Variants in ABHD2 observed in about 807,000 individuals in gnomAD.
The protein encoded by ABHD2 is monoacylglycerol lipase ABHD2.
ABHD2 carries 20 observed loss-of-function variants against 48.1 expected under a neutral mutation model. That is an observed-to-expected ratio of 0.42 (90% CI 0.29 to 0.60). The LOEUF is 0.60. Ranked by LOEUF, ABHD2 falls within the 20% of genes least tolerant of loss-of-function variation. ABHD2 has a pLI of 0.24. For synonymous variants in ABHD2, 209 were observed against 214.2 expected (o/e 0.98, Z 0.21); for missense variants, 405 against 550.9 (o/e 0.74, Z 2.65).
At position 89,185,841 on chromosome 15, in the gene ABHD2, G is replaced by A. The variant is rs957713981; in HGVS notation, c.815+325G>A. ...AAAATTAGCTGGGCATGATGGTGCC[G>A]CTGTAATCCCAGCTACTTGGGAGGC... On this transcript the variant is annotated intron_variant, in intron 7 of 10. Coordinates refer to ENST00000352732, the MANE Select transcript of ABHD2 (RefSeq NM_152924.5). This position sits in a 1 kb window ranked among gnomAD's most constrained non-coding sequence, Gnocchi z 5.9. Among the ~76,000 whole-genome samples the A allele has an allele frequency of 5.9e-5, 9 of 152,176 alleles. No homozygotes were observed. In the East Asian group the frequency reaches 1.2e-3, roughly 20 times the overall value.
At chr15:89,152,077 G>GTTT (rs34458230) in intron 4 of ABHD2, among the ~76,000 whole-genome samples, 1 of 139,882 alleles carries the variant, frequency 7.1e-6, no homozygotes. Flanking sequence ...TTGTAGAATA[G>GTTT]TTTTTTTTTT....
rs1450739099 is a variant in ABHD2, at chr15:89,175,097, C to CTGTAAA, written c.539-713_539-708dup. Among the ~76,000 whole-genome samples the CTGTAAA allele has an allele frequency of 9.2e-5, 14 of 152,354 alleles. No individual in the cohort carries two copies. In the East Asian group the frequency reaches 2.3e-3, roughly 25 times the overall value. On this transcript the variant is annotated intron_variant, in intron 5 of 10. Transcript: ENST00000352732. The surrounding 1 kb of genome is among the most constrained non-coding windows in gnomAD (Gnocchi z 5.7). ...CCTTTCCAACTCTGTCAAGAAGATTCTGTAAATAACATCCACTTGCTACTT... is the reference window on the plus strand; with the variant it reads ...CCTTTCCAACTCTGTCAAGAAGATTCTGTAAATGTAAATAACATCCACTTGCTACTT...
chr15:89,185,542 G>A lies in ABHD2; in HGVS notation c.815+26G>A. 17 of 1,599,516 alleles carry A rather than the reference G, an allele frequency of 1.1e-5. No individual in the cohort carries two copies. The highest frequency in any genetic ancestry group is 1.5e-5 in the Non-Finnish European group (17 of 1,166,832). ...GTAGGTCACCTTCCGTTCTCTCTCAGGAGACAGACAGTTCCTTCCTGAGCT... is the reference window on the plus strand; with the variant it reads ...GTAGGTCACCTTCCGTTCTCTCTCAAGAGACAGACAGTTCCTTCCTGAGCT... On this transcript the variant is annotated intron_variant, in intron 7 of 10. Transcript: ENST00000352732. This position sits in a 1 kb window ranked among gnomAD's most constrained non-coding sequence, Gnocchi z 5.9.
chr15:89,058,533 C>A, the ABHD2 span, among the ~76,000 whole-genome samples: 1 of 152,132 alleles, frequency 6.6e-6, no homozygotes, highest in African/African-American at 2.4e-5. Flanking sequence ...TAGAAAGGAA[C>A]ATGGCCCGAG....
intron 1 of ABHD2, among the ~76,000 whole-genome samples, chr15:89,103,347 AT>A (rs199718047): frequency 8.0e-4 from 122 of 152,064 alleles, no homozygotes; most frequent in Middle Eastern, 3.4e-3. Flanking sequence ...ATTTTAAGTC[AT>A]TTTTTTTAGC....
intron 3 of ABHD2, among the ~76,000 whole-genome samples, chr15:89,141,910 A>G (rs910750000): frequency 4.6e-5 from 7 of 152,236 alleles, no homozygotes; most frequent in Non-Finnish European, 1.0e-4. Flanking sequence ...TGCTAATTTG[A>G]TATATTTTTA....
intron 1 of ABHD2, among the ~76,000 whole-genome samples, chr15:89,109,819 A>G (rs2049845055): frequency 6.6e-6 from 1 of 152,178 alleles, no homozygotes; most frequent in Non-Finnish European, 1.5e-5. Context: ...TCATACTTAC[A>G]CATGCTTCTA....
At chr15:89,163,943 G>A (rs74372518) in intron 5 of ABHD2, among the ~76,000 whole-genome samples, 2 of 152,296 alleles carry the variant, frequency 1.3e-5, no homozygotes, top group Admixed American at 6.5e-5. Context: ...CCTAGAATCC[G>A]TGCTCCTGAA....
chr15:89,086,454 GC>G (rs1901345737), upstream of ABHD2, among the ~76,000 whole-genome samples: 1 of 151,820 alleles, frequency 6.6e-6, no homozygotes, highest in Non-Finnish European at 1.5e-5. Context: ...TCACTCTGTG[GC>G]CCAGGCTGGA....
intron 6 of ABHD2, among the ~76,000 whole-genome samples, chr15:89,183,799 T>C (rs1273647705): frequency 6.6e-6 from 1 of 152,132 alleles, no homozygotes; most frequent in Non-Finnish European, 1.5e-5. Context: ...AGAACATCCC[T>C]TCAGTTAGGA....
chr15:89,117,632 C>G (rs1376529547), intron 3 of ABHD2, among the ~76,000 whole-genome samples: 1 of 152,226 alleles, frequency 6.6e-6, no homozygotes, highest in African/African-American at 2.4e-5. Context: ...AGAGAGATGT[C>G]TTCCTCAAGT....
the ABHD2 span, among the ~76,000 whole-genome samples, chr15:89,079,900 G>A: frequency 6.6e-6 from 1 of 152,160 alleles, no homozygotes; most frequent in Admixed American, 6.5e-5. The surrounding 1 kb of genome is among the most constrained non-coding windows in gnomAD (Gnocchi z 4.3). Context: ...GAGGGCGGCT[G>A]CCAGCATTTC....
At chr15:89,049,801 G>A in the ABHD2 span, among the ~76,000 whole-genome samples, 3 of 152,210 alleles carry the variant, frequency 2.0e-5, no homozygotes, top group Non-Finnish European at 2.9e-5. Flanking sequence ...GCACTCCCTA[G>A]TGAGATGAAC....
At chr15:89,158,402 C>G (rs1210569917) in intron 5 of ABHD2, among the ~76,000 whole-genome samples, 1 of 152,122 alleles carries the variant, frequency 6.6e-6, no homozygotes, top group Admixed American at 6.5e-5. Context: ...GGGCTGTAGG[C>G]CAAAGAGACC....
intron 3 of ABHD2, among the ~76,000 whole-genome samples, chr15:89,119,085 G>A (rs1017867551): frequency 7.2e-5 from 11 of 152,146 alleles, no homozygotes; most frequent in Non-Finnish European, 2.9e-5. Context: ...GGTGAAGCCC[G>A]AACTAGGGAG....
chr15:89,175,854 A>G lies in ABHD2; in HGVS notation c.581A>G (p.Lys194Arg). 1 of 1,614,120 alleles carries G rather than the reference A, an allele frequency of 6.2e-7. No homozygotes were observed. Among genetic ancestry groups the G allele is most frequent in the Non-Finnish European group, 8.5e-7 (1 of 1,180,006 alleles). ...EFGAMVNYIK[K>R]TYPLTQLVVV... is the part of the protein sequence containing the mutation. ...GGAGCCATGGTGAACTACATCAAGA[A>G]GACATATCCCCTGACCCAGCTGGTC... The change falls in exon 6 of 11, where the codon AAG (lysine) becomes AGG (arginine). Residue 194 changes from lysine (K) to arginine (R), a missense_variant. By Grantham distance (26) the Lys-to-Arg change is conservative (BLOSUM62 2). Transcript: ENST00000352732. The surrounding 1 kb of genome is among the most constrained non-coding windows in gnomAD (Gnocchi z 5.7).
chr15:89,098,827 C>G (rs572147465), intron 1 of ABHD2, among the ~76,000 whole-genome samples: 1 of 152,260 alleles, frequency 6.6e-6, no homozygotes, highest in Non-Finnish European at 1.5e-5. Flanking sequence ...ACTGACATCG[C>G]AAGAGAAATC....
chr15:89,170,911 T>A (rs1181709856), intron 5 of ABHD2, among the ~76,000 whole-genome samples: 2 of 150,248 alleles, frequency 1.3e-5, no homozygotes, highest in African/African-American at 4.9e-5. Context: ...AGGTCAGGAG[T>A]TCAAGACCAG....
upstream of ABHD2, among the ~76,000 whole-genome samples, chr15:89,084,621 A>G (rs1901326115): frequency 6.6e-6 from 1 of 152,232 alleles, no homozygotes; most frequent in Non-Finnish European, 1.5e-5. This position sits in a 1 kb window ranked among gnomAD's most constrained non-coding sequence, Gnocchi z 4.4. Context: ...TAAAAAATAA[A>G]GTCTATCTAT....
Sources: gnomAD v4.1 joint callset for allele counts (sites outside exome capture counted in the v4.1 genomes callset) on GRCh38, gnomAD v4.1.1 for gene constraint, Gnocchi (gnomAD v3.1) non-coding constraint, MANE v1.5 for transcripts, NCBI Gene and HGNC (gene_info 2026-07-23, HGNC 2026-07-21) for gene names.